The following PCDHGB2 variants were observed in gnomAD, a reference collection of about 807,000 sequenced individuals.
The protein encoded by PCDHGB2 is protocadherin gamma subfamily B, 2.
Under a neutral mutation model 59.3 loss-of-function variants are expected in PCDHGB2, and 55 were observed. The ratio of observed to expected loss-of-function variants is 0.93; its 90% CI spans 0.75 to 1.16. The LOEUF (loss-of-function observed/expected upper bound fraction) is 1.16, where lower values mean the gene tolerates loss of function less well. Ranked by LOEUF, PCDHGB2 falls within the 50% of genes most tolerant of loss-of-function variation. The probability of loss-of-function intolerance (pLI) is 0.00; values close to 1 mark genes in which losing one functional copy is unlikely to be tolerated. For missense variants in PCDHGB2, 1,228 were observed against 1,198.5 expected (o/e 1.02, Z -0.36); for synonymous variants, 516 against 512.0 (o/e 1.01, Z -0.11).
chr5:141,389,737 G>A, intron 1 of PCDHGB2: 2 of 1,612,718 alleles, frequency 1.2e-6, no homozygotes, highest in Non-Finnish European at 1.7e-6. Flanking sequence ...TTCAGCCTGG[G>A]GCTGCGCACG....
At chr5:141,509,136 C>T (rs1217992935) in intron 3 of PCDHGB2, among the ~76,000 whole-genome samples, 1 of 152,142 alleles carries the variant, frequency 6.6e-6, no homozygotes, top group Non-Finnish European at 1.5e-5. Context: ...AAAACCGAGG[C>T]GCATCCCGGC....
In PCDHGB2 at chr5:141,419,703, G is replaced by C. The variant is rs2096418539; in HGVS notation, c.2421+57147G>C. 1 of 1,612,946 alleles carries C rather than the reference G, an allele frequency of 6.2e-7. No individual in the cohort carries two copies. The highest frequency in any genetic ancestry group is 1.3e-5 in the African/African-American group (1 of 74,946). The stretch of plus-strand genomic sequence containing the variant: ...CACGTGGTGCAGGCCAGTGAGCCCG[G>C]GCTCTTCAGCCTGGGGCTGCGAACA... On this transcript the variant is annotated intron_variant, in intron 1 of 3. Coordinates refer to ENST00000522605, the MANE Select transcript of PCDHGB2 (RefSeq NM_018923.3).
chr5:141,409,000 C>A, intron 1 of PCDHGB2: 4 of 1,613,950 alleles, frequency 2.5e-6, no homozygotes, highest in Non-Finnish European at 3.4e-6. Flanking sequence ...AAGTGACAGC[C>A]ACTGACCAGG....
rs1562137380 is a variant in PCDHGB2, at chr5:141,490,297, G to T, written c.2422-4510G>T. On this transcript the variant is annotated intron_variant, in intron 1 of 3. Coordinates refer to ENST00000522605, the MANE Select transcript of PCDHGB2 (RefSeq NM_018923.3). This position sits in a 1 kb window ranked among gnomAD's most constrained non-coding sequence, Gnocchi z 5.4. The stretch of plus-strand genomic sequence containing the variant: ...TGACAATGCCCCAGAGGTGCTATTG[G>T]CCTCTTTGGCCAACCCTGTCCTAGA... 2 of 1,614,202 alleles carry T rather than the reference G, an allele frequency of 1.2e-6. No individual in the cohort carries two copies. Among genetic ancestry groups the T allele is most frequent in the South Asian group, 1.1e-5 (1 of 91,086 alleles).
At chr5:141,400,064 G>A in intron 1 of PCDHGB2, 1 of 1,613,770 alleles carries the variant, frequency 6.2e-7, no homozygotes, top group Non-Finnish European at 8.5e-7. Context: ...CGTGATGGTG[G>A]ACAGCCGCCA....
intron 1 of PCDHGB2, chr5:141,384,561 C>T (rs778010622): frequency 3.7e-6 from 6 of 1,614,254 alleles, no homozygotes; most frequent in Admixed American, 3.3e-5. Context: ...TCGTGCTGGA[C>T]CAGAATGACA....
chr5:141,388,520 G>T, intron 1 of PCDHGB2: 1 of 1,613,822 alleles, frequency 6.2e-7, no homozygotes, highest in Admixed American at 1.7e-5. Flanking sequence ...ACTTGACTTT[G>T]ACTGCCTTGG....
intron 1 of PCDHGB2, chr5:141,414,008 A>G (rs753686379): frequency 4.3e-6 from 7 of 1,613,188 alleles, no homozygotes; most frequent in Middle Eastern, 1.6e-4. Context: ...GAAGGTGCCA[A>G]TGGAGAAGTG....
At position 141,422,108 on chromosome 5, in the gene PCDHGB2, A is replaced by G. The variant is rs766617894; in HGVS notation, c.2421+59552A>G. 4.4e-6 allele frequency: 7 copies of G among 1,606,984 alleles called. No homozygotes were observed. In the East Asian group the frequency reaches 1.6e-4, roughly 36 times the overall value. ...GAAAGCAAGGCTTCTGAAATATTCCAATTGGATTCACAAACTGGAGAAGTT... is the reference window on the plus strand; with the variant it reads ...GAAAGCAAGGCTTCTGAAATATTCCGATTGGATTCACAAACTGGAGAAGTT... On this transcript the variant is annotated intron_variant, in intron 1 of 3. Transcript: ENST00000522605.
intron 1 of PCDHGB2, chr5:141,395,163 G>A: frequency 6.2e-7 from 1 of 1,614,160 alleles, no homozygotes; most frequent in Middle Eastern, 1.6e-4. Flanking sequence ...CAGTCAGGAG[G>A]GCTGTGAGAA....
At position 141,490,745 on chromosome 5, in the gene PCDHGB2, C is replaced by A. The variant is rs769031787; in HGVS notation, c.2422-4062C>A. 1 of 1,614,238 alleles carries A rather than the reference C, an allele frequency of 6.2e-7. No homozygotes were observed. Among genetic ancestry groups the A allele is most frequent in the Non-Finnish European group, 8.5e-7 (1 of 1,180,042 alleles). ...GTAGGAAATCAGGTTCAGGGAGCCCCAGCCTCCTCCTTTGTGTATGTCAAC... is the reference window on the plus strand; with the variant it reads ...GTAGGAAATCAGGTTCAGGGAGCCCAAGCCTCCTCCTTTGTGTATGTCAAC... On this transcript the variant is annotated intron_variant, in intron 1 of 3. Transcript: ENST00000522605. The surrounding 1 kb of genome is among the most constrained non-coding windows in gnomAD (Gnocchi z 5.4).
intron 2 of PCDHGB2, among the ~76,000 whole-genome samples, chr5:141,496,592 T>G (rs948403662): frequency 6.6e-6 from 1 of 152,136 alleles, no homozygotes; most frequent in African/African-American, 2.4e-5. Context: ...GCAAAGCGCT[T>G]CTTAGAAGGC....
rs747585516 is a variant in PCDHGB2, at chr5:141,409,120, A to G, written c.2421+46564A>G. ...CAGGTATGATTAAGAATAACCAGTC[A>G]TTTGATTTTGAAGATGTAGAAAGGT... On this transcript the variant is annotated intron_variant, in intron 1 of 3. Transcript: ENST00000522605. 6 of 1,613,844 alleles carry G rather than the reference A, an allele frequency of 3.7e-6. No homozygotes were observed. The African/African-American group carries it at 8.0e-5, about 22-fold the overall frequency.
rs558972594 is a variant in PCDHGB2 at position 141,485,292 on chromosome 5, A to G, written c.2422-9515A>G. ...CGCTACCCGGTCCCAGAGGAGTCAC[A>G]GGAAGGGACTTTTGTAGGGAATGTC... On this transcript the variant is annotated intron_variant, in intron 1 of 3. Coordinates refer to ENST00000522605, the MANE Select transcript of PCDHGB2 (RefSeq NM_018923.3). The surrounding 1 kb of genome is among the most constrained non-coding windows in gnomAD (Gnocchi z 5.7). 1 of 1,614,120 alleles carries G rather than the reference A, an allele frequency of 6.2e-7. No individual in the cohort carries two copies. Among genetic ancestry groups the G allele is most frequent in the African/African-American group, 1.3e-5 (1 of 75,058 alleles).
rs1561857042 is a variant in PCDHGB2, at chr5:141,432,038, C to CG, written c.2422-62765dup. 3 of 1,614,190 alleles carry CG rather than the reference C, an allele frequency of 1.9e-6. No individual in the cohort carries two copies. The highest frequency in any genetic ancestry group is 2.5e-6 in the Non-Finnish European group (3 of 1,180,032). Reference sequence around the variant, plus strand: ...CAACATCACAGTGACCGCCACTGACCGGGGAACCCCGCCCCTATCCACGGA... The same window carrying CG: ...CAACATCACAGTGACCGCCACTGACCGGGGGAACCCCGCCCCTATCCACGGA... On this transcript the variant is annotated intron_variant, in intron 1 of 3. Transcript: ENST00000522605. The surrounding 1 kb of genome is among the most constrained non-coding windows in gnomAD (Gnocchi z 6.0).
chr5:141,395,788 C>A (rs1254748153), intron 1 of PCDHGB2: 2 of 152,198 alleles, frequency 1.3e-5, no homozygotes, highest in African/African-American at 4.8e-5. Context: ...AACTTTAATA[C>A]TTCTTACCAT....
At chr5:141,470,872 TTTTTTGTTTTTG>T (rs900302332) in intron 1 of PCDHGB2, among the ~76,000 whole-genome samples, 1 of 151,814 alleles carries the variant, frequency 6.6e-6, no homozygotes, top group Non-Finnish European at 1.5e-5. Context: ...GTTTGTTTGT[TTTTTTGTTTTTG>T]TTTTTGTTTT....
intron 1 of PCDHGB2, chr5:141,394,192 A>G: frequency 1.9e-6 from 3 of 1,613,840 alleles, no homozygotes; most frequent in East Asian, 2.2e-5. Flanking sequence ...TACTCAGCGT[A>G]TATCCTAGAG....
chr5:141,394,239 G>T (rs530540432), intron 1 of PCDHGB2: 1 of 1,613,750 alleles, frequency 6.2e-7, no homozygotes, highest in Non-Finnish European at 8.5e-7. Flanking sequence ...TTCCTTGACT[G>T]CACACGACCC....
Sources: allele counts gnomAD v4.1 joint callset (sites outside exome capture counted in the v4.1 genomes callset), GRCh38; gene constraint gnomAD v4.1.1; non-coding constraint Gnocchi (gnomAD v3.1); transcripts MANE v1.5; gene names NCBI Gene and HGNC (gene_info 2026-07-23, HGNC 2026-07-21).